Variants in SNX31 observed in about 807,000 individuals in gnomAD.
SNX31 encodes sorting nexin 31, also known as sorting nexin-31.
In SNX31, 58 loss-of-function variants were observed where a neutral mutation model predicts 65.4. The ratio of observed to expected loss-of-function variants is 0.89; its 90% CI spans 0.72 to 1.10. The LOEUF (loss-of-function observed/expected upper bound fraction) is 1.10. SNX31 is among the 50% of genes least tolerant of loss of function. The probability of loss-of-function intolerance (pLI) is 0.00; values close to 1 mark genes in which losing one functional copy is unlikely to be tolerated. For synonymous variants in SNX31, 181 were observed against 190.1 expected (o/e 0.95, Z 0.39); for missense variants, 523 against 529.7 (o/e 0.99, Z 0.12).
At position 100,594,164 on chromosome 8, in the gene SNX31, C is replaced by G. The variant is rs937186103; in HGVS notation, c.978+2475G>C. Among the ~76,000 whole-genome samples, 22 of 152,004 alleles carry G rather than the reference C, an allele frequency of 1.4e-4. No homozygotes were observed. Among genetic ancestry groups the G allele is most frequent in the African/African-American group, 5.3e-4 (22 of 41,374 alleles). On this transcript the variant is annotated intron_variant, in intron 10 of 13. Transcript: ENST00000311812. The surrounding 1 kb of genome is among the most constrained non-coding windows in gnomAD (Gnocchi z 4.0). Reference sequence around the variant, plus strand: ...CTAAAAATACAAAAAATTAGCCCTGCCTGGTGGTGCATGCCTGTAATCCCA... The same window carrying G: ...CTAAAAATACAAAAAATTAGCCCTGGCTGGTGGTGCATGCCTGTAATCCCA...
intron 1 of SNX31, among the ~76,000 whole-genome samples, chr8:100,661,441 G>A (rs1208248498): frequency 6.6e-6 from 1 of 152,118 alleles, no homozygotes; most frequent in East Asian, 1.9e-4. Context: ...TCAAAACCAG[G>A]AATAACAAGA....
chr8:100,586,162 C>CT (rs1814027245), intron 11 of SNX31, among the ~76,000 whole-genome samples: 1 of 152,182 alleles, frequency 6.6e-6, no homozygotes. Context: ...CTCAAGTGAT[C>CT]TGCCGGCTTT....
At chr8:100,645,518 A>T (rs550765632) in intron 2 of SNX31, among the ~76,000 whole-genome samples, 9,944 of 151,926 alleles carry the variant, frequency 0.065, 444 homozygotes, top group Non-Finnish European at 0.095. Flanking sequence ...ACTAAAAAAA[A>T]TTGTTTGTTG....
rs6994230 is a variant in SNX31, at chr8:100,624,022, G to A, written c.322-6292C>T. On this transcript the variant is annotated intron_variant, in intron 4 of 13. Transcript: ENST00000311812. Reference sequence around the variant, plus strand: ...GTTGGGGGGGAGGTGGGGGGATGCGGGGAGGAAAGAGGAAGGTGTTGACTC... The same window carrying A: ...GTTGGGGGGGAGGTGGGGGGATGCGAGGAGGAAAGAGGAAGGTGTTGACTC... Among the ~76,000 whole-genome samples, 1,354 of 151,894 alleles carry A rather than the reference G, an allele frequency of 8.9e-3. 18 individuals are homozygous for A. Among genetic ancestry groups the A allele is most frequent in the African/African-American group, 0.031 (1,279 of 41,310 alleles).
chr8:100,584,339 A>G, intron 11 of SNX31, 151 bp from the exon 12 acceptor site: 4 of 538,190 alleles, frequency 7.4e-6, no homozygotes, highest in Non-Finnish European at 1.3e-5. Context: ...AGAAGTTTTC[A>G]TAAGATCCAA....
intron 2 of SNX31, among the ~76,000 whole-genome samples, chr8:100,647,637 T>C (rs1024506068): frequency 5.9e-5 from 9 of 152,130 alleles, no homozygotes; most frequent in South Asian, 2.1e-4. Context: ...CTGACATCCA[T>C]AAGGACCCAT....
At chr8:100,608,850 G>T (rs1204997894) in intron 7 of SNX31, among the ~76,000 whole-genome samples, 2 of 152,076 alleles carry the variant, frequency 1.3e-5, no homozygotes, top group African/African-American at 4.8e-5. Context: ...CTCACTCTTG[G>T]CCACCAAGAT....
intron 4 of SNX31, among the ~76,000 whole-genome samples, chr8:100,624,662 T>C (rs1225639855): frequency 2.0e-5 from 3 of 152,332 alleles, no homozygotes; most frequent in African/African-American, 7.2e-5. Context: ...TTTGTGATAT[T>C]TGAATTTTAC....
chr8:100,602,563 G>A (rs1343687118), intron 8 of SNX31, among the ~76,000 whole-genome samples: 1 of 152,168 alleles, frequency 6.6e-6, no homozygotes, highest in Non-Finnish European at 1.5e-5. Flanking sequence ...CACAGTAAGA[G>A]ATGAACAACA....
At chr8:100,656,640 C>CAAAAAAAAA (rs34052612) in intron 1 of SNX31, among the ~76,000 whole-genome samples, 5 of 44,606 alleles carry the variant, frequency 1.1e-4, no homozygotes, top group Non-Finnish European at 1.6e-4. Flanking sequence ...GACTCTGTCT[C>CAAAAAAAAA]AAAAAAAAAA....
At position 100,649,475 on chromosome 8, in the gene SNX31, A is replaced by C; in HGVS notation, c.40T>G (p.Ser14Ala). The change falls in exon 1 of 14, where the codon TCC becomes GCC. Residue 14 changes from serine (S) to alanine (A), a missense_variant. Coordinates refer to ENST00000311812, the MANE Select transcript of SNX31 (RefSeq NM_152628.4). ...ACGTAGCGGCCCCCCAGCGCGTCGG[A>C]CCGCTGCTGGGACACCGGGATACAG... ...HFCIPVSQQR[S>A]DALGGRYVLY... 1 of 1,472,234 alleles carries C rather than the reference A, an allele frequency of 6.8e-7. No individual in the cohort carries two copies. The highest frequency in any genetic ancestry group is 1.2e-5 in the South Asian group (1 of 85,294). 91.2% of individuals were successfully genotyped at this position (1,472,234 alleles called of 1,614,324 possible). A position where few individuals can be genotyped will look rare whatever the true frequency, so the allele number is the denominator to read the frequency against.
chr8:100,645,437 C>T (rs978201883), intron 2 of SNX31, among the ~76,000 whole-genome samples: 6 of 152,102 alleles, frequency 3.9e-5, no homozygotes, highest in African/African-American at 1.4e-4. Context: ...CAGCCTCAGA[C>T]TTAGGGTGGC....
At chr8:100,608,361 C>CT (rs1816378411) in intron 8 of SNX31, 133 bp downstream of exon 8, 5 of 769,618 alleles carry the variant, frequency 6.5e-6, no homozygotes, top group Non-Finnish European at 1.1e-5. Flanking sequence ...CTCTGTTCTA[C>CT]TTTCTGTCTC....
intron 3 of SNX31, among the ~76,000 whole-genome samples, chr8:100,632,514 T>A (rs913651434): frequency 6.6e-6 from 1 of 152,164 alleles, no homozygotes; most frequent in Non-Finnish European, 1.5e-5. Flanking sequence ...ACTGCTGATG[T>A]AGAATGACTT....
chr8:100,595,981 C>T (rs1285544817), intron 10 of SNX31, among the ~76,000 whole-genome samples: 3 of 152,130 alleles, frequency 2.0e-5, no homozygotes, highest in East Asian at 1.9e-4. Flanking sequence ...TTGACAGTAT[C>T]GAATGCCACA....
chr8:100,588,893 C>A lies in SNX31; in HGVS notation c.1065G>T (p.Trp355Cys). Residue 355 changes from tryptophan to cysteine, a missense_variant, in exon 11 of 14, where the codon TGG (tryptophan) becomes TGT (cysteine). Physicochemically the swap from Trp to Cys is radical, Grantham distance 215 (BLOSUM62 -2). Transcript: ENST00000311812. This position sits in a 1 kb window ranked among gnomAD's most constrained non-coding sequence, Gnocchi z 4.8. ...LRFQYSEDSC[W>C]QWFVIYTKQA... ...GTTTGGTGTAAATAACAAACCACTG[C>A]CAGCAACTATCCTCACTGTATTGAA... 1 of 1,613,906 alleles carries A rather than the reference C, an allele frequency of 6.2e-7. No individual in the cohort carries two copies.
intron 11 of SNX31, among the ~76,000 whole-genome samples, chr8:100,587,102 G>A (rs2130838186): frequency 6.6e-6 from 1 of 152,208 alleles, no homozygotes; most frequent in East Asian, 1.9e-4. Flanking sequence ...TCAGCCCCAG[G>A]CAATGGTTCA....
chr8:100,641,565 A>AAAAAAAAAAAATAT (rs1554587369), intron 2 of SNX31, among the ~76,000 whole-genome samples: 2 of 32,102 alleles, frequency 6.2e-5, no homozygotes, highest in Non-Finnish European at 1.1e-4. Context: ...AAAAAAAAAA[A>AAAAAAAAAAAATAT]ATATATATAT....
intron 4 of SNX31, chr8:100,620,008 A>G (rs1317319914): frequency 1.3e-5 from 2 of 152,196 alleles, no homozygotes; most frequent in Non-Finnish European, 2.9e-5. Flanking sequence ...TGTTGCGGAA[A>G]TCTGATACCC....
Sources: gnomAD v4.1 joint callset for allele counts (sites outside exome capture counted in the v4.1 genomes callset) on GRCh38, gnomAD v4.1.1 for gene constraint, Gnocchi (gnomAD v3.1) non-coding constraint, MANE v1.5 for transcripts, NCBI Gene and HGNC (gene_info 2026-07-23, HGNC 2026-07-21) for gene names.